The following NDUFAF6 variants were observed in gnomAD, a reference collection of about 807,000 sequenced individuals.
NDUFAF6 encodes the protein NADH dehydrogenase (ubiquinone) complex I, assembly factor 6.
In NDUFAF6, 45 loss-of-function variants were observed where a neutral mutation model predicts 40.8. The observed-to-expected ratio is 1.10, with a 90% CI of 0.87 to 1.42. The LOEUF (loss-of-function observed/expected upper bound fraction) is 1.42, where lower values mean the gene tolerates loss of function less well. NDUFAF6 is among the 40% of genes most tolerant of loss of function. NDUFAF6 has a pLI of 0.00. For synonymous variants in NDUFAF6, 185 were observed against 155.9 expected (o/e 1.19, Z -1.39); for missense variants, 435 against 418.5 (o/e 1.04, Z -0.34).
rs375670576 is a variant in NDUFAF6, at chr8:94,930,070, G to A, written c.-935-15413G>A. The A allele has an allele frequency of 7.7e-5, 14 of 182,880 alleles. 1 individual carries two copies. In the South Asian group the frequency reaches 1.2e-3, roughly 16 times the overall value. The allele number at this position is 182,880 out of a possible 1,614,324, so 11.3% of individuals were successfully genotyped here. A position where few individuals can be genotyped will look rare whatever the true frequency, so the allele number is the denominator to read the frequency against. ...ATTATCAAGTACTGGTCAATAAAGT[G>A]TACAGCTGACCCTGAGAATAAATTT... On this transcript the variant is annotated intron_variant, in intron 1 of 14. Transcript: ENST00000396113.
chr8:94,940,829 C>T (rs763008031), intron 1 of NDUFAF6: 2 of 1,608,100 alleles, frequency 1.2e-6, no homozygotes, highest in Non-Finnish European at 1.7e-6. Context: ...GTGTACCTTA[C>T]CTATGAAGTC....
chr8:95,085,825 C>T (rs1809028274), intron 2 of NDUFAF6, among the ~76,000 whole-genome samples: 1 of 151,954 alleles, frequency 6.6e-6, no homozygotes. Flanking sequence ...TACATAATAC[C>T]CACATATCTG....
intron 1 of NDUFAF6, chr8:94,929,834 T>C (rs1354162752): frequency 6.6e-6 from 1 of 152,336 alleles, no homozygotes; most frequent in African/African-American, 2.4e-5. Flanking sequence ...TGCAGTCACA[T>C]TGGAATTACT....
chr8:94,966,619 G>C (rs992334115), intron 1 of NDUFAF6, among the ~76,000 whole-genome samples: 4 of 152,050 alleles, frequency 2.6e-5, no homozygotes, highest in Non-Finnish European at 4.4e-5. Context: ...ATAACACAAA[G>C]GCAATGAATA....
At chr8:94,926,765 T>C (rs1445929664) in intron 1 of NDUFAF6, 1 of 152,260 alleles carries the variant, frequency 6.6e-6, no homozygotes, top group African/African-American at 2.4e-5. Context: ...CCAGTACCTC[T>C]TTCTCCACCC....
intron 2 of NDUFAF6, chr8:95,087,581 C>T (rs1186736188): frequency 6.6e-6 from 1 of 152,210 alleles, no homozygotes; most frequent in Non-Finnish European, 1.5e-5. Context: ...CAGTATAAAA[C>T]CTTTCTTTGG....
chr8:94,909,944 C>A (rs900539567), intron 1 of NDUFAF6, among the ~76,000 whole-genome samples: 2 of 151,928 alleles, frequency 1.3e-5, no homozygotes, highest in African/African-American at 4.8e-5. Flanking sequence ...GACCAAGTTG[C>A]CCTCTGCTTT....
intron 1 of NDUFAF6, among the ~76,000 whole-genome samples, chr8:94,908,878 T>G (rs1175109829): frequency 6.6e-6 from 1 of 152,218 alleles, no homozygotes; most frequent in Non-Finnish European, 1.5e-5. Context: ...TTTATATTTG[T>G]ATGAATTCAT....
chr8:95,010,041 C>G (rs1303025086), intron 2 of NDUFAF6, among the ~76,000 whole-genome samples: 1 of 152,130 alleles, frequency 6.6e-6, no homozygotes, highest in East Asian at 1.9e-4. Flanking sequence ...TGCCAAGTGG[C>G]CCCTATGTGA....
chr8:95,037,369 T>C lies in NDUFAF6; in HGVS notation c.420+1793T>C, dbSNP rs144155079. 3.0e-3 allele frequency among the ~76,000 whole-genome samples: 454 copies of C among 152,364 alleles called. 1 individual carries two copies. Among genetic ancestry groups the C allele is most frequent in the African/African-American group, 9.9e-3 (410 of 41,582 alleles). ...CTTCAGCCTTGAGTAAATAGGAGTT[T>C]GGCTTTTCATTTATTAAATATTTAT... On this transcript the variant is annotated intron_variant, in intron 3 of 8. Coordinates refer to ENST00000396124, the MANE Select transcript of NDUFAF6 (RefSeq NM_152416.4).
downstream of NDUFAF6, among the ~76,000 whole-genome samples, chr8:95,061,060 G>A (rs1450923393): frequency 3.9e-5 from 6 of 152,222 alleles, no homozygotes; most frequent in Middle Eastern, 3.4e-3. Flanking sequence ...GGTTGTTGAC[G>A]TTTTTGTGGG....
intron 2 of NDUFAF6, among the ~76,000 whole-genome samples, chr8:95,092,103 G>A (rs1380399804): frequency 6.6e-6 from 1 of 151,336 alleles, no homozygotes. Flanking sequence ...TCCGAGTTTT[G>A]AGTCACACCT....
At chr8:95,058,884 C>T (rs565319070), downstream of NDUFAF6, among the ~76,000 whole-genome samples, 1 of 152,024 alleles carries the variant, frequency 6.6e-6, no homozygotes, top group African/African-American at 2.4e-5. Flanking sequence ...AACCCCATCT[C>T]GACCAAAAAT....
At chr8:95,051,323 G>A (rs1831401390) in intron 7 of NDUFAF6, among the ~76,000 whole-genome samples, 2 of 152,202 alleles carry the variant, frequency 1.3e-5, no homozygotes, top group Admixed American at 1.3e-4. Context: ...TGAAAATCAA[G>A]GGAGGAGAAG....
chr8:95,096,424 C>T (rs1032459467), upstream of NDUFAF6, among the ~76,000 whole-genome samples: 3 of 152,176 alleles, frequency 2.0e-5, no homozygotes, highest in African/African-American at 7.2e-5. Context: ...TCTGAAAGCA[C>T]CTTCGGGTTT....
chr8:95,079,329 A>G (rs1345564143), downstream of NDUFAF6, among the ~76,000 whole-genome samples: 3 of 152,190 alleles, frequency 2.0e-5, no homozygotes, highest in African/African-American at 7.2e-5. Flanking sequence ...TTAAAATAAA[A>G]TATTTTGTAA....
At chr8:94,926,997 T>G (rs550825572) in intron 1 of NDUFAF6, 1 of 152,352 alleles carries the variant, frequency 6.6e-6, no homozygotes, top group African/African-American at 2.4e-5. Flanking sequence ...TTAACCAGTA[T>G]TTATGGGCCT....
chr8:95,080,649 TG>T (rs1587248610), downstream of NDUFAF6, among the ~76,000 whole-genome samples: 13 of 152,148 alleles, frequency 8.5e-5, no homozygotes, highest in Admixed American at 5.2e-4. Flanking sequence ...TAGTGATTTT[TG>T]GTAGTGTATT....
chr8:95,016,010 AT>A (rs1306999999), intron 2 of NDUFAF6, among the ~76,000 whole-genome samples: 2 of 152,218 alleles, frequency 1.3e-5, no homozygotes, highest in Admixed American at 6.5e-5. Context: ...GCCCACTGTT[AT>A]CCCGGATGCT....
Sources: allele counts gnomAD v4.1 joint callset (sites outside exome capture counted in the v4.1 genomes callset), GRCh38; gene constraint gnomAD v4.1.1; transcripts MANE v1.5; gene names NCBI Gene and HGNC (gene_info 2026-07-23, HGNC 2026-07-21).